The following RMND1 variants were observed in gnomAD, a reference collection of about 807,000 sequenced individuals.
RMND1 encodes required for meiotic nuclear division 1 homolog.
Under a neutral mutation model 54.0 loss-of-function variants are expected in RMND1, and 41 were observed. The observed-to-expected ratio is 0.76, with a 90% CI of 0.59 to 0.98. RMND1 has a LOEUF of 0.98. Ranked by LOEUF, RMND1 falls within the 50% of genes least tolerant of loss-of-function variation. RMND1 has a pLI of 0.00. For missense variants in RMND1, 457 were observed against 532.0 expected (o/e 0.86, Z 1.39); for synonymous variants, 183 against 181.7 (o/e 1.01, Z -0.06).
intron 2 of RMND1, among the ~76,000 whole-genome samples, chr6:151,440,905 A>C (rs551405514): frequency 5.9e-5 from 9 of 152,016 alleles, no homozygotes; most frequent in Non-Finnish European, 1.3e-4. Flanking sequence ...TTTTACAGTG[A>C]ATCCTTATTA....
chr6:151,427,077 T>C (rs1582955001), intron 6 of RMND1, among the ~76,000 whole-genome samples: 1 of 151,884 alleles, frequency 6.6e-6, no homozygotes, highest in East Asian at 2.0e-4. Flanking sequence ...GGCCACTTTT[T>C]TCTTAAAAGT....
intron 4 of RMND1, among the ~76,000 whole-genome samples, chr6:151,430,988 C>A (rs1220091310): frequency 6.6e-6 from 1 of 152,104 alleles, no homozygotes; most frequent in Admixed American, 6.6e-5. Context: ...TCATTCCTAT[C>A]CTCAATCTAG....
Position 151,405,248 on chromosome 6 carries a change from C to A in RMND1, c.1337G>T (p.Arg446Leu). The A allele has an allele frequency of 1.9e-6, 3 of 1,612,814 alleles. No homozygotes were observed. Among genetic ancestry groups the A allele is most frequent in the Non-Finnish European group, 2.5e-6 (3 of 1,178,974 alleles). ...GTTATCACTTGATCAGAAAAATACT[C>A]GTCCCAGCTCAAACATTACCTTAGA... ...ITIEVMFELG[R>L]VFF The change falls in exon 12 of 12, where the codon CGA becomes CTA. Residue 446 changes from arginine to leucine, a missense_variant. Physicochemically the swap from Arg to Leu is moderately radical, Grantham distance 102. Coordinates refer to ENST00000444024, the MANE Select transcript of RMND1 (RefSeq NM_017909.4).
intron 4 of RMND1, among the ~76,000 whole-genome samples, chr6:151,430,609 TAATTTAA>T: frequency 6.6e-6 from 1 of 152,318 alleles, no homozygotes; most frequent in Non-Finnish European, 1.5e-5. Context: ...AGATGGTGGT[TAATTTAA>T]GCATCAGATG....
intron 10 of RMND1, among the ~76,000 whole-genome samples, chr6:151,414,280 T>C (rs2114924248): frequency 6.6e-6 from 1 of 152,260 alleles, no homozygotes; most frequent in Non-Finnish European, 1.5e-5. Context: ...TCTCATTGTG[T>C]TTCCCAGGCT....
intron 1 of RMND1, among the ~76,000 whole-genome samples, chr6:151,451,317 C>T (rs1781186953): frequency 6.6e-6 from 1 of 151,666 alleles, no homozygotes. Context: ...TTAATTCATA[C>T]TGCAAACGAA....
At chr6:151,414,347 T>C (rs76042151) in intron 10 of RMND1, among the ~76,000 whole-genome samples, 1 of 152,114 alleles carries the variant, frequency 6.6e-6, no homozygotes, top group Non-Finnish European at 1.5e-5. Context: ...GGAAATATGA[T>C]TGAAAAACAG....
intron 8 of RMND1, among the ~76,000 whole-genome samples, chr6:151,421,774 C>T (rs2114936153): frequency 6.6e-6 from 1 of 152,146 alleles, no homozygotes; most frequent in African/African-American, 2.4e-5. Flanking sequence ...AATTTCCATT[C>T]TCAGAGAGAA....
Position 151,445,833 on chromosome 6 carries a change from A to G in RMND1, c.-14-8T>C. The G allele has an allele frequency of 6.5e-7, 1 of 1,549,228 alleles. No individual in the cohort carries two copies. Among genetic ancestry groups the G allele is most frequent in the South Asian group, 1.2e-5 (1 of 83,902 alleles). On this transcript the variant is annotated splice_polypyrimidine_tract_variant and splice_region_variant and intron_variant, in intron 1 of 11. Coordinates refer to ENST00000444024, the MANE Select transcript of RMND1 (RefSeq NM_017909.4). ...GCATTACCACATCCCAAGCTAAAAG[A>G]AAAGGAATTCAAAGTTCAAGTTTTT... is the stretch of plus-strand genomic sequence containing the variant.
chr6:151,414,482 T>C (rs549235386), intron 10 of RMND1, among the ~76,000 whole-genome samples: 58 of 152,236 alleles, frequency 3.8e-4, no homozygotes, highest in African/African-American at 1.3e-3. Flanking sequence ...TCAAGAGGTA[T>C]CTGAGGTTAG....
At chr6:151,409,176 G>C (rs183267283) in intron 10 of RMND1, among the ~76,000 whole-genome samples, 50 of 152,344 alleles carry the variant, frequency 3.3e-4, no homozygotes, top group Non-Finnish European at 5.7e-4. Flanking sequence ...GTCCAGGTGG[G>C]AAAGGAAGAT....
At chr6:151,449,293 C>T (rs1190968948) in intron 1 of RMND1, among the ~76,000 whole-genome samples, 2 of 146,756 alleles carry the variant, frequency 1.4e-5, no homozygotes, top group East Asian at 2.1e-4. Flanking sequence ...CGCCTGAACC[C>T]GGGAGGTGGA....
intron 6 of RMND1, among the ~76,000 whole-genome samples, chr6:151,425,808 T>C (rs1359061684): frequency 6.6e-6 from 1 of 152,222 alleles, no homozygotes; most frequent in Admixed American, 6.5e-5. Context: ...AAATAATACA[T>C]GGAAGGCACT....
chr6:151,438,884 C>T (rs954346347), intron 2 of RMND1, among the ~76,000 whole-genome samples: 3 of 151,566 alleles, frequency 2.0e-5, no homozygotes, highest in East Asian at 1.9e-4. Flanking sequence ...GAGGCTGAGG[C>T]GGATGGATCA....
chr6:151,433,119 C>T lies in RMND1; in HGVS notation c.689+36G>A, dbSNP rs375047791. The T allele has an allele frequency of 6.9e-5, 95 of 1,378,010 alleles. No individual in the cohort carries two copies. In the African/African-American group the frequency reaches 7.3e-4, roughly 11 times the overall value. 85.4% of individuals were successfully genotyped at this position (1,378,010 alleles called of 1,614,324 possible). On this transcript the variant is annotated intron_variant, in intron 4 of 11. Transcript: ENST00000444024. ...AAGACCACAATTACTTGACCCAAACCCATCATCACCTAATGGGGTTTCTTT... is the reference window on the plus strand; with the variant it reads ...AAGACCACAATTACTTGACCCAAACTCATCATCACCTAATGGGGTTTCTTT...
chr6:151,429,796 A>C (rs986254459), intron 5 of RMND1, among the ~76,000 whole-genome samples: 10 of 152,240 alleles, frequency 6.6e-5, no homozygotes, highest in African/African-American at 2.4e-4. Context: ...GTTCTAGACA[A>C]CTTGACTTAA....
At chr6:151,430,514 T>C (rs997067233) in intron 4 of RMND1, among the ~76,000 whole-genome samples, 1 of 152,238 alleles carries the variant, frequency 6.6e-6, no homozygotes, top group Non-Finnish European at 1.5e-5. Context: ...AGGAAATTTT[T>C]TGAGACCTTG....
chr6:151,438,089 A>G (rs559051797), intron 2 of RMND1, among the ~76,000 whole-genome samples: 16 of 152,332 alleles, frequency 1.1e-4, no homozygotes, highest in African/African-American at 3.6e-4. Context: ...TACAAATAAA[A>G]ATGTATCAGG....
At chr6:151,407,924 A>G (rs1409008365) in intron 10 of RMND1, among the ~76,000 whole-genome samples, 2 of 152,056 alleles carry the variant, frequency 1.3e-5, no homozygotes, top group Non-Finnish European at 2.9e-5. Context: ...CACAAAAAAA[A>G]GTCACTATTA....
Sources: gnomAD v4.1 joint callset for allele counts (sites outside exome capture counted in the v4.1 genomes callset) on GRCh38, gnomAD v4.1.1 for gene constraint, MANE v1.5 for transcripts, NCBI Gene and HGNC (gene_info 2026-07-23, HGNC 2026-07-21) for gene names.